The following DEPTOR variants were observed in gnomAD, a reference collection of about 807,000 sequenced individuals.
The protein encoded by DEPTOR is DEP domain containing MTOR interacting protein, also known as DEP domain-containing mTOR-interacting protein.
DEPTOR carries 41 observed loss-of-function variants against 41.6 expected under a neutral mutation model. That is an observed-to-expected ratio of 0.98 (90% confidence interval 0.77 to 1.28). The LOEUF (loss-of-function observed/expected upper bound fraction) is 1.28. Ranked by LOEUF, DEPTOR falls within the 50% of genes most tolerant of loss-of-function variation. DEPTOR has a pLI of 0.00. For missense variants in DEPTOR, 514 were observed against 527.9 expected, an observed-to-expected ratio of 0.97 and a Z score of 0.26; for synonymous variants, 195 against 192.3, an observed-to-expected ratio of 1.01 and a Z score of -0.12.
At chr8:119,955,569 C>T (rs895208225) in intron 3 of DEPTOR, among the ~76,000 whole-genome samples, 6 of 151,586 alleles carry the variant, frequency 4.0e-5, no homozygotes, top group African/African-American at 7.3e-5. Flanking sequence ...TGAGTTCAAG[C>T]GATTCTCCTG....
chr8:119,974,791 G>T (rs970179044), intron 4 of DEPTOR, among the ~76,000 whole-genome samples: 1 of 151,902 alleles, frequency 6.6e-6, no homozygotes, highest in East Asian at 1.9e-4. Flanking sequence ...AGGTGGGGGG[G>T]TGGGTAGTTC....
intron 4 of DEPTOR, among the ~76,000 whole-genome samples, chr8:120,000,175 A>G (rs1245045318): frequency 1.3e-5 from 2 of 152,130 alleles, no homozygotes; most frequent in East Asian, 3.8e-4. Flanking sequence ...GCAATTCATT[A>G]AAGTGTACAA....
At chr8:119,926,630 AC>A (rs1392737663) in intron 1 of DEPTOR, among the ~76,000 whole-genome samples, 1 of 152,164 alleles carries the variant, frequency 6.6e-6, no homozygotes, top group Non-Finnish European at 1.5e-5. Flanking sequence ...TCCTTACTAA[AC>A]CTGGCAGCCC....
chr8:119,915,770 T>A (rs1827802832), intron 1 of DEPTOR, among the ~76,000 whole-genome samples: 1 of 152,156 alleles, frequency 6.6e-6, no homozygotes, highest in Non-Finnish European at 1.5e-5. Context: ...ATGAGGTTGA[T>A]TCCAGCAAAC....
At chr8:119,908,127 ACT>A (rs1288088006) in intron 1 of DEPTOR, among the ~76,000 whole-genome samples, 2 of 151,992 alleles carry the variant, frequency 1.3e-5, no homozygotes, top group Admixed American at 1.3e-4. Context: ...AAACTGTAAG[ACT>A]CTTGAACAAT....
At chr8:119,927,470 A>T (rs977266133) in intron 1 of DEPTOR, among the ~76,000 whole-genome samples, 1 of 151,288 alleles carries the variant, frequency 6.6e-6, no homozygotes, top group African/African-American at 2.4e-5. Context: ...CTTTATCTCT[A>T]TCTATCTGGT....
At chr8:119,975,567 G>A (rs1349154213) in intron 4 of DEPTOR, among the ~76,000 whole-genome samples, 2 of 152,130 alleles carry the variant, frequency 1.3e-5, no homozygotes, top group Non-Finnish European at 2.9e-5. Context: ...GACAGGCCAA[G>A]GACTTAGAAA....
chr8:120,046,973 T>C (rs1225247004), intron 8 of DEPTOR, among the ~76,000 whole-genome samples: 1 of 152,204 alleles, frequency 6.6e-6, no homozygotes, highest in Admixed American at 6.5e-5. Context: ...CATCTACACC[T>C]GGTATGATCA....
chr8:120,002,942 C>A (rs1226873950), intron 5 of DEPTOR, 35 bp from the exon 6 acceptor site: 4 of 1,547,260 alleles, frequency 2.6e-6, no homozygotes, highest in Non-Finnish European at 2.6e-6. Context: ...GAGACCACCC[C>A]CTTGGTGACT....
At chr8:119,891,231 C>T (rs929780922) in intron 1 of DEPTOR, 1 of 151,428 alleles carries the variant, frequency 6.6e-6, no homozygotes, top group Non-Finnish European at 1.5e-5. Context: ...GCTGTAGACT[C>T]GGTCTATTTC....
intron 3 of DEPTOR, among the ~76,000 whole-genome samples, chr8:119,931,951 TA>T (rs1050495783): frequency 8.0e-4 from 109 of 136,004 alleles, no homozygotes; most frequent in African/African-American, 2.8e-3. Context: ...TTTTTTTAAT[TA>T]AAAAAGATTA....
intron 3 of DEPTOR, among the ~76,000 whole-genome samples, chr8:119,935,437 C>G (rs1828098127): frequency 6.6e-6 from 1 of 152,088 alleles, no homozygotes; most frequent in African/African-American, 2.4e-5. Context: ...AAGAAAAAAG[C>G]TGGCCAGACA....
chr8:120,036,158 C>T (rs1367137916), intron 8 of DEPTOR, among the ~76,000 whole-genome samples: 2 of 152,110 alleles, frequency 1.3e-5, no homozygotes, highest in African/African-American at 2.4e-5. Context: ...CAAGAGGGAG[C>T]CTAGATCTTA....
At chr8:119,892,943 C>T (rs1015109108) in intron 1 of DEPTOR, among the ~76,000 whole-genome samples, 5 of 152,134 alleles carry the variant, frequency 3.3e-5, no homozygotes, top group Admixed American at 1.3e-4. Flanking sequence ...CCACCATGCC[C>T]GGCTAAATTT....
rs1423128899 is a variant in DEPTOR at position 120,050,322 on chromosome 8, A to G, written c.*618A>G. On this transcript the variant is annotated 3_prime_UTR_variant, in exon 9 of 9. Transcript: ENST00000286234. The stretch of plus-strand genomic sequence containing the variant: ...TCAATTGTGGCATTAGGAAAAAAAA[A>G]AACCTTGTGATGCTATGGTTGGGGG... The G allele has an allele frequency of 6.6e-6, 1 of 151,968 alleles. No individual in the cohort carries two copies. The highest frequency in any genetic ancestry group is 1.5e-5 in the Non-Finnish European group (1 of 67,982). The allele number at this position is 151,968 out of a possible 1,614,324, so 9.4% of individuals were successfully genotyped here.
chr8:119,926,293 T>C (rs865826420), intron 1 of DEPTOR, among the ~76,000 whole-genome samples: 1 of 152,132 alleles, frequency 6.6e-6, no homozygotes, highest in Non-Finnish European at 1.5e-5. Flanking sequence ...ATTCAGGTGC[T>C]CTAAAAAAAT....
intron 8 of DEPTOR, among the ~76,000 whole-genome samples, chr8:120,025,274 A>G (rs1812781234): frequency 6.6e-6 from 1 of 152,230 alleles, no homozygotes; most frequent in South Asian, 2.1e-4. Context: ...ACTCATTTTC[A>G]GAATTTTGTG....
At chr8:119,898,737 A>C (rs1827551593) in intron 1 of DEPTOR, among the ~76,000 whole-genome samples, 1 of 152,056 alleles carries the variant, frequency 6.6e-6, no homozygotes, top group Non-Finnish European at 1.5e-5. Context: ...TAAAAAAAAA[A>C]AAAGCCTTAT....
intron 3 of DEPTOR, among the ~76,000 whole-genome samples, chr8:119,951,324 G>T (rs536343227): frequency 6.6e-6 from 1 of 152,264 alleles, no homozygotes. Context: ...GCTCACCGAG[G>T]TTTGAATTGT....
Sources: gnomAD v4.1 joint callset for allele counts (sites outside exome capture counted in the v4.1 genomes callset) on GRCh38, gnomAD v4.1.1 for gene constraint, MANE v1.5 for transcripts, NCBI Gene and HGNC (gene_info 2026-07-23, HGNC 2026-07-21) for gene names.